Variants in ABCC2 observed in about 807,000 individuals in gnomAD.
The protein encoded by ABCC2 is ATP binding cassette subfamily C member 2, also known as ATP-binding cassette sub-family C member 2.
Under a neutral mutation model 173.4 loss-of-function variants are expected in ABCC2, and 157 were observed. The observed-to-expected ratio is 0.91, with a 90% CI of 0.80 to 1.03. The LOEUF is 1.03. Ranked by LOEUF, ABCC2 falls within the 50% of genes least tolerant of loss-of-function variation. The probability of loss-of-function intolerance (pLI) is 0.00; values close to 1 mark genes in which losing one functional copy is unlikely to be tolerated. For synonymous variants in ABCC2, 657 were observed against 693.5 expected, an observed-to-expected ratio of 0.95 and a Z score of 0.83; for missense variants, 1,822 against 1,852.3, an observed-to-expected ratio of 0.98 and a Z score of 0.30.
rs1293614672 is a variant in ABCC2, at chr10:99,850,668, G to A, written c.4380G>A (p.Leu1460=). 3 of 1,614,216 alleles carry A rather than the reference G, an allele frequency of 1.9e-6. No individual in the cohort carries two copies. The highest frequency in any genetic ancestry group is 2.2e-5 in the South Asian group (2 of 91,086). Residue 1460 remains leucine, a synonymous_variant, in exon 31 of 32, where the codon CTG becomes CTA. Coordinates refer to ENST00000647814, the MANE Select transcript of ABCC2 (RefSeq NM_000392.5). ...TTCGGAAATCCAAGATCCTGGTCCT[G>A]GATGAGGCCACTGCTGCGGTGGATC... ...ALLRKSKILV[L]DEATAAVDLE...
intron 29 of ABCC2, 52 bp downstream of exon 29, chr10:99,845,834 C>G (rs555177106): frequency 6.4e-7 from 1 of 1,553,628 alleles, no homozygotes; most frequent in Non-Finnish European, 8.7e-7. Flanking sequence ...GCTTGTTTTA[C>G]AGGAAACATA....
Position 99,800,434 on chromosome 10 carries a change from A to C in ABCC2, c.1080A>C (p.Gly360=). 1.2e-6 allele frequency: 2 copies of C among 1,614,100 alleles called. No individual in the cohort carries two copies. Among genetic ancestry groups the C allele is most frequent in the Non-Finnish European group, 1.7e-6 (2 of 1,180,008 alleles). ...ASDRDTYLWI[G]YLCAILLFTA... ...ACCGTGACACATATTTGTGGATTGG[A>C]TATCTCTGTGCAATCCTCTTATTCA... Residue 360 remains glycine (G), a synonymous_variant, in exon 9 of 32, where the codon GGA becomes GGC. Coordinates refer to ENST00000647814, the MANE Select transcript of ABCC2 (RefSeq NM_000392.5).
Position 99,793,996 on chromosome 10 carries a change from A to G in ABCC2, c.573A>G (p.Ser191=), listed in dbSNP as rs200466261. The G allele has an allele frequency of 1.3e-4, 208 of 1,597,368 alleles. No homozygotes were observed. Among genetic ancestry groups the G allele is most frequent in the Non-Finnish European group, 1.7e-4 (202 of 1,165,474 alleles). The change falls in exon 5 of 32, where the codon TCA becomes TCG. Residue 191 remains serine (S), a synonymous_variant. Transcript: ENST00000647814. ...FSAFSENNES[S]NNPSSIASFL... ...CATTTTCAGAAAATAATGAGTCATC[A>G]AATGTGAGATTCTAAATATGCCCAT... is the stretch of plus-strand genomic sequence containing the variant.
chr10:99,814,250 T>TGTATATGCACAC (rs2038296895), intron 16 of ABCC2, among the ~76,000 whole-genome samples: 5 of 69,620 alleles, frequency 7.2e-5, no homozygotes, highest in African/African-American at 2.8e-4. Flanking sequence ...TGCACACACG[T>TGTATATGCACAC]ATGTATACAC....
Position 99,796,189 on chromosome 10 carries a change from C to T in ABCC2, c.633-908C>T, listed in dbSNP as rs142152991. Among the ~76,000 whole-genome samples, 19 of 152,062 alleles carry T rather than the reference C, an allele frequency of 1.2e-4. No individual in the cohort carries two copies. In the East Asian group the frequency reaches 3.7e-3, roughly 29 times the overall value. Reference sequence around the variant, plus strand: ...AACAGCCTGGCTAACACGGTGAAACCCCATCTCTACTAAAAATACAAAAAT... The same window carrying T: ...AACAGCCTGGCTAACACGGTGAAACTCCATCTCTACTAAAAATACAAAAAT... On this transcript the variant is annotated intron_variant, in intron 6 of 31. Transcript: ENST00000647814.
chr10:99,793,490 C>G, intron 3 of ABCC2, 61 bp from the exon 4 acceptor site: 1 of 1,607,550 alleles, frequency 6.2e-7, no homozygotes, highest in East Asian at 2.2e-5. Context: ...TGACATCCTT[C>G]TCCCCTCAGT....
At position 99,851,587 on chromosome 10, in the gene ABCC2, G is replaced by A; in HGVS notation, c.4594G>A (p.Ala1532Thr). Residue 1532 changes from alanine to threonine, a missense_variant, in exon 32 of 32, where the codon GCT (alanine) becomes ACT (threonine). Transcript: ENST00000647814. ...AATCCCTGGACCCTTTTACTTTATGGCTAAGGAAGCTGGCATTGAGAATGT... is the reference window on the plus strand; with the variant it reads ...AATCCCTGGACCCTTTTACTTTATGACTAAGGAAGCTGGCATTGAGAATGT... ...LQIPGPFYFM[A>T]KEAGIENVNS... is the part of the protein sequence containing the mutation. The A allele has an allele frequency of 1.2e-6, 2 of 1,614,126 alleles. No individual in the cohort carries two copies. The highest frequency in any genetic ancestry group is 1.7e-6 in the Non-Finnish European group (2 of 1,180,022).
rs17216331 is a variant in ABCC2, at chr10:99,841,947, C to T, written c.3615-20C>T. 4,931 of 1,614,110 alleles carry T rather than the reference C, an allele frequency of 3.1e-3. 7 individuals are homozygous for T. The highest frequency in any genetic ancestry group is 4.9e-3 in the Middle Eastern group (30 of 6,062). ...GGACGTGATCAGTGACACGCACTCTCTGGTTCTGTTGCCCCACAGGTGGCT... is the reference window on the plus strand; with the variant it reads ...GGACGTGATCAGTGACACGCACTCTTTGGTTCTGTTGCCCCACAGGTGGCT... On this transcript the variant is annotated intron_variant, in intron 25 of 31. Coordinates refer to ENST00000647814, the MANE Select transcript of ABCC2 (RefSeq NM_000392.5).
Position 99,836,306 on chromosome 10 carries a change from G to C in ABCC2, c.3614+16G>C. ...CCTCCAACAGGTGAGGCTTCCCCTG[G>C]GTATTTACCCATGTGTGTACTTTGG... is the stretch of plus-strand genomic sequence containing the variant. On this transcript the variant is annotated intron_variant, in intron 25 of 31. Transcript: ENST00000647814. The C allele has an allele frequency of 6.2e-7, 1 of 1,613,422 alleles. No individual in the cohort carries two copies. Among genetic ancestry groups the C allele is most frequent in the Non-Finnish European group, 8.5e-7 (1 of 1,179,350 alleles).
At chr10:99,817,006 G>A (rs955622322) in intron 16 of ABCC2, among the ~76,000 whole-genome samples, 1 of 152,096 alleles carries the variant, frequency 6.6e-6, no homozygotes, top group African/African-American at 2.4e-5. Flanking sequence ...AAACTCAATT[G>A]GGTTTGACTA....
chr10:99,846,821 C>A, intron 29 of ABCC2, 140 bp from the exon 30 acceptor site: 1 of 1,166,762 alleles, frequency 8.6e-7, no homozygotes. Context: ...GAAAACCTTG[C>A]GGAAGCTCAA....
At chr10:99,786,463 A>C (rs960005857) in intron 2 of ABCC2, among the ~76,000 whole-genome samples, 3 of 152,184 alleles carry the variant, frequency 2.0e-5, no homozygotes, top group Non-Finnish European at 4.4e-5. Flanking sequence ...TTCCAAGAAG[A>C]AGCTGGTTAA....
intron 16 of ABCC2, among the ~76,000 whole-genome samples, chr10:99,813,783 T>G (rs1181842164): frequency 6.6e-6 from 1 of 151,936 alleles, no homozygotes; most frequent in African/African-American, 2.4e-5. Context: ...CCTGCAAAAC[T>G]GTACAATAAA....
At position 99,814,265 on chromosome 10, in the gene ABCC2, A is replaced by G. The variant is rs529077182; in HGVS notation, c.2094+1121A>G. ...TGCACACACGTATGTATACACACGT[A>G]TGTATACACACGTATGTATACACAC... On this transcript the variant is annotated intron_variant, in intron 16 of 31. Transcript: ENST00000647814. 4.1e-3 allele frequency among the ~76,000 whole-genome samples: 123 copies of G among 30,216 alleles called. 33 individuals are homozygous for G. The highest frequency in any genetic ancestry group is 6.8e-3 in the Non-Finnish European group (104 of 15,234). 19.8% of individuals were successfully genotyped at this position (30,216 alleles called of 152,430 possible). A position where few individuals can be genotyped will look rare whatever the true frequency, so the allele number is the denominator to read the frequency against.
intron 16 of ABCC2, among the ~76,000 whole-genome samples, chr10:99,814,648 T>TACACACATATGTGTATATACACATAC (rs2038352299): frequency 4.7e-5 from 4 of 85,944 alleles, no homozygotes; most frequent in African/African-American, 1.8e-4. Flanking sequence ...TATACACATA[T>TACACACATATGTGTATATACACATAC]ACACACACAT....
chr10:99,802,463 ATTACC>A (rs1190893249), intron 9 of ABCC2, among the ~76,000 whole-genome samples: 1 of 150,626 alleles, frequency 6.6e-6, no homozygotes, highest in Non-Finnish European at 1.5e-5. Context: ...ATATATAGTG[ATTACC>A]TTGAAGGGCA....
chr10:99,813,301 T>C (rs949961695), intron 16 of ABCC2, among the ~76,000 whole-genome samples, 157 bp downstream of exon 16: 40 of 152,318 alleles, frequency 2.6e-4, no homozygotes, highest in African/African-American at 9.4e-4. Flanking sequence ...ATTTCAGCTT[T>C]ATATAATCAG....
intron 23 of ABCC2, 28 bp from the exon 24 acceptor site, chr10:99,834,352 G>A (rs1456210674): frequency 8.1e-6 from 13 of 1,612,218 alleles, no homozygotes; most frequent in Non-Finnish European, 1.1e-5. Context: ...CCTCAGTGAT[G>A]GTGTATCTCT....
chr10:99,814,198 T>C (rs1304337422), intron 16 of ABCC2, among the ~76,000 whole-genome samples: 2 of 81,982 alleles, frequency 2.4e-5, no homozygotes, highest in African/African-American at 9.3e-5. Flanking sequence ...CACACATGTG[T>C]ATATATACAC....
Sources: allele counts gnomAD v4.1 joint callset (sites outside exome capture counted in the v4.1 genomes callset), GRCh38; gene constraint gnomAD v4.1.1; transcripts MANE v1.5; gene names NCBI Gene and HGNC (gene_info 2026-07-23, HGNC 2026-07-21).